DMBX1: variants seen among roughly 807,000 people sequenced by gnomAD.
DMBX1 encodes diencephalon/mesencephalon homeobox 1.
A neutral mutation model predicts 30.4 loss-of-function variants in DMBX1; 7 were observed. That is an observed-to-expected ratio of 0.23 (90% CI 0.13 to 0.43). The LOEUF is 0.43. Ranked by LOEUF, DMBX1 falls within the 20% of genes least tolerant of loss-of-function variation. The pLI is 1.00. For synonymous variants in DMBX1, 222 were observed against 214.2 expected (o/e 1.04, Z -0.32); for missense variants, 460 against 508.5 (o/e 0.90, Z 0.92).
intron 2 of DMBX1, among the ~76,000 whole-genome samples, chr1:46,505,581 C>T (rs1187922250): frequency 6.7e-6 from 1 of 149,326 alleles, no homozygotes; most frequent in Non-Finnish European, 1.5e-5. Context: ...AGGGGAATAT[C>T]ACACTCTGGG....
At position 46,515,720 on chromosome 1, in the gene DMBX1, G is replaced by A. The variant is rs979364164; in HGVS notation, c.*3226G>A. Among the ~76,000 whole-genome samples, 1 of 152,236 alleles carries A rather than the reference G, an allele frequency of 6.6e-6. No individual in the cohort carries two copies. The highest frequency in any genetic ancestry group is 2.4e-5 in the African/African-American group (1 of 41,474). ...TAAGCAGCACCGCGCTTCCCTTCTT[G>A]TGGGCAGAGGGTACAGGCCCACCAC... On this transcript the variant is annotated 3_prime_UTR_variant, in exon 6 of 6. Coordinates refer to ENST00000360032, the MANE Select transcript of DMBX1 (RefSeq NM_172225.2).
intron 2 of DMBX1, among the ~76,000 whole-genome samples, chr1:46,492,430 G>A (rs1285040554): frequency 2.0e-5 from 3 of 152,194 alleles, no homozygotes; most frequent in Non-Finnish European, 2.9e-5. Flanking sequence ...TCTCCTGGGC[G>A]TCAGTGCTCT....
chr1:46,511,111 C>G lies in DMBX1; in HGVS notation c.510C>G (p.Pro170=). 1.2e-6 allele frequency: 2 copies of G among 1,614,110 alleles called. No homozygotes were observed. The highest frequency in any genetic ancestry group is 1.7e-6 in the Non-Finnish European group (2 of 1,180,022). ...CCCCACGTCTGCCTGGCAGCGACCCCCCTGCTGAGCTTCACCTGAGTCTGT... is the reference window on the plus strand; with the variant it reads ...CCCCACGTCTGCCTGGCAGCGACCCGCCTGCTGAGCTTCACCTGAGTCTGT... ...EQPPRLPGSD[P]PAELHLSLSE... Residue 170 remains proline, a synonymous_variant, in exon 5 of 6, where the codon CCC becomes CCG. Coordinates refer to ENST00000360032, the MANE Select transcript of DMBX1 (RefSeq NM_172225.2).
At chr1:46,497,893 C>A (rs868862933) in intron 2 of DMBX1, among the ~76,000 whole-genome samples, 3 of 152,238 alleles carry the variant, frequency 2.0e-5, no homozygotes, top group African/African-American at 7.2e-5. Context: ...AACGCGGCCG[C>A]GCCGTGATGG....
At chr1:46,506,062 T>A (rs111682377) in intron 2 of DMBX1, among the ~76,000 whole-genome samples, 1 of 135,302 alleles carries the variant, frequency 7.4e-6, no homozygotes, top group African/African-American at 3.2e-5. Flanking sequence ...TTCTTTTTTT[T>A]ATTTTTATTT....
intron 2 of DMBX1, among the ~76,000 whole-genome samples, chr1:46,492,888 T>C (rs925032709): frequency 1.3e-5 from 2 of 152,112 alleles, no homozygotes; most frequent in Non-Finnish European, 2.9e-5. Flanking sequence ...AGACACCCCG[T>C]AGGACAACAG....
At chr1:46,507,403 A>C (rs11803942) in intron 3 of DMBX1, among the ~76,000 whole-genome samples, 2 of 152,220 alleles carry the variant, frequency 1.3e-5, no homozygotes, top group Non-Finnish European at 2.9e-5. Flanking sequence ...TCAAATTCTC[A>C]AAACAAGCCT....
At chr1:46,511,319 C>T in intron 5 of DMBX1, 36 bp downstream of exon 5, 1 of 1,488,106 alleles carries the variant, frequency 6.7e-7, no homozygotes, top group Non-Finnish European at 8.9e-7. Flanking sequence ...GGGCTGGGGT[C>T]TGGGGGCCCT....
intron 2 of DMBX1, among the ~76,000 whole-genome samples, chr1:46,497,937 G>A (rs956142973): frequency 1.3e-5 from 2 of 152,182 alleles, no homozygotes; most frequent in African/African-American, 4.8e-5. Flanking sequence ...ATTGCGGGGC[G>A]GCACCTTTTA....
intron 2 of DMBX1, among the ~76,000 whole-genome samples, chr1:46,503,754 C>T (rs1176478508): frequency 6.6e-6 from 1 of 152,230 alleles, no homozygotes; most frequent in African/African-American, 2.4e-5. Flanking sequence ...GAGATACCTG[C>T]ATATGTCTTC....
At position 46,509,075 on chromosome 1, in the gene DMBX1, T is replaced by G. The variant is rs145336565; in HGVS notation, c.155-1401T>G. Among the ~76,000 whole-genome samples the G allele has an allele frequency of 4.5e-4, 69 of 152,128 alleles. 1 individual carries two copies. The East Asian group carries it at 0.013, about 28-fold the overall frequency. On this transcript the variant is annotated intron_variant, in intron 3 of 5. Coordinates refer to ENST00000360032, the MANE Select transcript of DMBX1 (RefSeq NM_172225.2). ...CCCAGTTGCCTCTTCCTATTCTTTT[T>G]TTTTTTGCGGAGGGGGGATGGAGTT...
At chr1:46,508,210 G>T (rs1475766417) in intron 3 of DMBX1, among the ~76,000 whole-genome samples, 1 of 152,146 alleles carries the variant, frequency 6.6e-6, no homozygotes, top group African/African-American at 2.4e-5. Context: ...AACTCCTAGG[G>T]AGAACAGGTG....
chr1:46,507,438 A>G (rs1204779594), intron 3 of DMBX1, among the ~76,000 whole-genome samples: 1 of 152,208 alleles, frequency 6.6e-6, no homozygotes, highest in African/African-American at 2.4e-5. Flanking sequence ...CATTAGCCCT[A>G]TCTCACAGAT....
intron 1 of DMBX1, among the ~76,000 whole-genome samples, 97 bp downstream of exon 1, chr1:46,489,974 C>T (rs1473214902): frequency 6.6e-6 from 1 of 152,190 alleles, no homozygotes; most frequent in Non-Finnish European, 1.5e-5. Context: ...ACAGCCTCCC[C>T]TCTTGCGGTC....
At position 46,513,661 on chromosome 1, in the gene DMBX1, G is replaced by A. The variant is rs1339235761; in HGVS notation, c.*1167G>A. On this transcript the variant is annotated 3_prime_UTR_variant, in exon 6 of 6. Coordinates refer to ENST00000360032, the MANE Select transcript of DMBX1 (RefSeq NM_172225.2). ...AAGAGGTGCTCTCAGAGACAGCAGGGCTGGTGCTCTTCTCCCACAAGCTGA... is the reference window on the plus strand; with the variant it reads ...AAGAGGTGCTCTCAGAGACAGCAGGACTGGTGCTCTTCTCCCACAAGCTGA... The A allele has an allele frequency of 6.6e-6, 1 of 152,318 alleles. No homozygotes were observed. The highest frequency in any genetic ancestry group is 2.1e-4 in the South Asian group (1 of 4,826). 9.4% of individuals were successfully genotyped at this position (152,318 alleles called of 1,614,324 possible).
chr1:46,492,247 G>A lies in DMBX1; in HGVS notation c.-13+1464G>A, dbSNP rs116466038. On this transcript the variant is annotated intron_variant, in intron 2 of 5. Transcript: ENST00000360032. ...GGTCAGCTTCACGGGCATCGGGTGA[G>A]TGTCTGGAGGATCCCTGCACCCCTG... Among the ~76,000 whole-genome samples the A allele has an allele frequency of 5.0e-3, 768 of 152,372 alleles. 4 individuals are homozygous for A. Among genetic ancestry groups the A allele is most frequent in the African/African-American group, 0.017 (711 of 41,590 alleles).
chr1:46,512,272 G>A lies in DMBX1; in HGVS notation c.912G>A (p.Met304Ile). ...AAAVPYLGVN[M>I]APLGSLHCQS... Reference sequence around the variant, plus strand: ...CTGTGCCCTACCTGGGCGTCAACATGGCCCCGCTGGGCTCACTGCACTGCC... The same window carrying A: ...CTGTGCCCTACCTGGGCGTCAACATAGCCCCGCTGGGCTCACTGCACTGCC... The change falls in exon 6 of 6, where the codon ATG (methionine) becomes ATA (isoleucine). Residue 304 changes from methionine (M) to isoleucine (I), a missense_variant. By Grantham distance (10) the Met-to-Ile change is conservative (BLOSUM62 1). This residue lies in a region of DMBX1 where 334 missense variants were observed against 345.1 expected (regional missense o/e 0.97). Transcript: ENST00000360032. This position sits in a 1 kb window ranked among gnomAD's most constrained non-coding sequence, Gnocchi z 4.8. The A allele has an allele frequency of 6.2e-7, 1 of 1,613,502 alleles. No individual in the cohort carries two copies. Among genetic ancestry groups the A allele is most frequent in the South Asian group, 1.1e-5 (1 of 91,078 alleles).
At position 46,513,616 on chromosome 1, in the gene DMBX1, A is replaced by T. The variant is rs1401018380; in HGVS notation, c.*1122A>T. 6.6e-6 allele frequency: 1 copy of T among 152,274 alleles called. No homozygotes were observed. Among genetic ancestry groups the T allele is most frequent in the African/African-American group, 2.4e-5 (1 of 41,452 alleles). The allele number at this position is 152,274 out of a possible 1,614,324, so 9.4% of individuals were successfully genotyped here. A position where few individuals can be genotyped will look rare whatever the true frequency, so the allele number is the denominator to read the frequency against. ...GCTCTCTTTGGTGAGACTTCCCTGG[A>T]TGGAGAGCAGCAGCAGGGGAAGAGG... On this transcript the variant is annotated 3_prime_UTR_variant, in exon 6 of 6. Coordinates refer to ENST00000360032, the MANE Select transcript of DMBX1 (RefSeq NM_172225.2).
intron 2 of DMBX1, among the ~76,000 whole-genome samples, chr1:46,501,217 T>TTCCTTCCTTCCTTCCTTCCTTC (rs1557786011): frequency 1.7e-3 from 100 of 57,398 alleles, no homozygotes; most frequent in African/African-American, 5.5e-3. Context: ...TTCCTTCCTT[T>TTCCTTCCTTCCTTCCTTCCTTC]CTTTCTTTCT....
Sources: allele counts gnomAD v4.1 joint callset (sites outside exome capture counted in the v4.1 genomes callset), GRCh38; gene constraint gnomAD v4.1.1; regional missense constraint gnomAD v4.1.1; non-coding constraint Gnocchi (gnomAD v3.1); transcripts MANE v1.5; gene names NCBI Gene and HGNC (gene_info 2026-07-23, HGNC 2026-07-21).